BPIFC: variants seen among roughly 807,000 people sequenced by gnomAD.
BPIFC encodes the protein BPI fold containing family C, also known as BPI fold-containing family C protein.
In BPIFC, 60 loss-of-function variants were observed where a neutral mutation model predicts 57.6. The ratio of observed to expected loss-of-function variants is 1.04; its 90% CI spans 0.85 to 1.29. The LOEUF (loss-of-function observed/expected upper bound fraction) is 1.29. Ranked by LOEUF, BPIFC falls within the 50% of genes most tolerant of loss-of-function variation. The pLI, the probability that BPIFC is intolerant of heterozygous loss-of-function variation, is 0.00. For missense variants in BPIFC, 581 were observed against 600.5 expected (o/e 0.97, Z 0.34); for synonymous variants, 243 against 224.5 (o/e 1.08, Z -0.74).
At chr22:32,445,258 C>T (rs996664685) in intron 7 of BPIFC, among the ~76,000 whole-genome samples, 1 of 152,192 alleles carries the variant, frequency 6.6e-6, no homozygotes, top group South Asian at 2.1e-4. Flanking sequence ...AAAGGATTGG[C>T]CAGGCGCGGT....
intron 7 of BPIFC, among the ~76,000 whole-genome samples, chr22:32,443,731 C>T (rs895719522): frequency 1.3e-5 from 2 of 152,182 alleles, no homozygotes; most frequent in African/African-American, 4.8e-5. Flanking sequence ...ATTCTTTGAT[C>T]TCAGTTTCCA....
intron 4 of BPIFC, among the ~76,000 whole-genome samples, chr22:32,452,486 A>AT (rs1440440357): frequency 6.6e-6 from 1 of 151,866 alleles, no homozygotes; most frequent in East Asian, 1.9e-4. Context: ...AATACAAAAA[A>AT]AAATTAGCCG....
rs1934715657 is a variant in BPIFC, at chr22:32,445,908, T to TAGGA, written c.459_462dup (p.Thr155SerfsTer28). 6.2e-7 allele frequency: 1 copy of TAGGA among 1,613,824 alleles called. No homozygotes were observed. Among genetic ancestry groups the TAGGA allele is most frequent in the Non-Finnish European group, 8.5e-7 (1 of 1,179,996 alleles). ...GCGTAGCAATCTTGGAGCTTCAGGG[T>TAGGA]AGGATGACCAAAGTCATTTCGGGTT... On this transcript the variant is annotated frameshift_variant, in exon 6 of 17. Transcript: ENST00000300399. LOFTEE classifies it high-confidence loss of function.
Position 32,419,395 on chromosome 22 carries a change from A to C in BPIFC, c.1227T>G (p.Leu409=), listed in dbSNP as rs1341517651. The change falls in exon 14 of 17, where the codon CTT becomes CTG. Residue 409 remains leucine, a synonymous_variant. Coordinates refer to ENST00000300399, the MANE Select transcript of BPIFC (RefSeq NM_174932.3). ...TGCTGCGATTGGACTCTGGCAAAGCAAGGCGGAATCTAAAAGAAAACAAGA... is the reference window on the plus strand; with the variant it reads ...TGCTGCGATTGGACTCTGGCAAAGCCAGGCGGAATCTAAAAGAAAACAAGA... ...VCSLSLNRFR[L]ALPESNRSNI... is the part of the protein sequence containing the mutation. 1 of 1,613,816 alleles carries C rather than the reference A, an allele frequency of 6.2e-7. No homozygotes were observed. Among genetic ancestry groups the C allele is most frequent in the Non-Finnish European group, 8.5e-7 (1 of 1,179,830 alleles).
At chr22:32,427,208 A>G (rs1239853759) in intron 13 of BPIFC, among the ~76,000 whole-genome samples, 7 of 152,144 alleles carry the variant, frequency 4.6e-5, no homozygotes, top group South Asian at 2.1e-4. Flanking sequence ...AGTTTTTTCT[A>G]TTACTCCCAT....
chr22:32,455,195 C>T (rs1412958832), intron 3 of BPIFC, among the ~76,000 whole-genome samples: 1 of 151,816 alleles, frequency 6.6e-6, no homozygotes, highest in Non-Finnish European at 1.5e-5. Context: ...GGACTACAGG[C>T]GCATGCCACA....
At chr22:32,445,330 G>T (rs2145949548) in intron 7 of BPIFC, among the ~76,000 whole-genome samples, 1 of 152,228 alleles carries the variant, frequency 6.6e-6, no homozygotes, top group South Asian at 2.1e-4. Flanking sequence ...GAGTTCAGGA[G>T]ATCAAGACCA....
chr22:32,438,685 C>A (rs1450328423), intron 8 of BPIFC, among the ~76,000 whole-genome samples: 1 of 152,184 alleles, frequency 6.6e-6, no homozygotes, highest in Non-Finnish European at 1.5e-5. Context: ...AGCCACCACA[C>A]CCAGCCCTAT....
At chr22:32,429,605 C>T (rs1325268254) in intron 13 of BPIFC, among the ~76,000 whole-genome samples, 2 of 150,830 alleles carry the variant, frequency 1.3e-5, no homozygotes, top group African/African-American at 4.9e-5. Context: ...CAACCTCCAC[C>T]TCCCGGCTTC....
intron 13 of BPIFC, among the ~76,000 whole-genome samples, chr22:32,430,433 C>T (rs545259378): frequency 6.6e-6 from 1 of 151,050 alleles, no homozygotes; most frequent in Admixed American, 6.6e-5. Context: ...TTAGAATGTA[C>T]ACTTCTATTA....
chr22:32,421,411 G>A (rs77691176), intron 13 of BPIFC, among the ~76,000 whole-genome samples: 4,276 of 152,194 alleles, frequency 0.028, 67 homozygotes, highest in African/African-American at 0.036. Context: ...TCTCTTTTTC[G>A]TATCTTGCTT....
Position 32,445,820 on chromosome 22 carries a change from C to A in BPIFC, c.530+21G>T, listed in dbSNP as rs1422384599. On this transcript the variant is annotated intron_variant, in intron 6 of 16. Transcript: ENST00000300399. Reference sequence around the variant, plus strand: ...ATCCAGCCCCTAACTAGCCACTGCCCAACCCAGGGCTCTCATTCACCTGAG... The same window carrying A: ...ATCCAGCCCCTAACTAGCCACTGCCAAACCCAGGGCTCTCATTCACCTGAG... 6 of 1,613,346 alleles carry A rather than the reference C, an allele frequency of 3.7e-6. No individual in the cohort carries two copies. In the African/African-American group the frequency reaches 6.7e-5, roughly 18 times the overall value.
At position 32,432,475 on chromosome 22, in the gene BPIFC, G is replaced by C. The variant is rs1438698985; in HGVS notation, c.1047C>G (p.Ile349Met). 6.2e-7 allele frequency: 1 copy of C among 1,614,016 alleles called. No homozygotes were observed. The highest frequency in any genetic ancestry group is 8.5e-7 in the Non-Finnish European group (1 of 1,180,026). ...GGGTGAAATTGCCTGGTTGTAGATT[G>C]ATTATGGGAGGCTCTGTGGCCATGA... ...VRIMATEPPIINLQPGNFTLD... is the reference protein window; with the variant it reads ...VRIMATEPPIMNLQPGNFTLD... The change falls in exon 12 of 17, where the codon ATC (isoleucine) becomes ATG (methionine). Residue 349 changes from isoleucine (I) to methionine (M), a missense_variant. Ile to Met is a conservative substitution (Grantham distance 10, BLOSUM62 1). Coordinates refer to ENST00000300399, the MANE Select transcript of BPIFC (RefSeq NM_174932.3).
chr22:32,448,763 C>A (rs1370417441), intron 4 of BPIFC, among the ~76,000 whole-genome samples: 2 of 151,990 alleles, frequency 1.3e-5, no homozygotes, highest in Admixed American at 6.5e-5. Flanking sequence ...CATAGTGAAA[C>A]CCCGTGTCTA....
In BPIFC at chr22:32,450,394, T is replaced by C. The variant is rs143248282; in HGVS notation, c.245+2989A>G. ...ACACCGTATAATGTTTGCACAATAA[T>C]GAAATCACTTAATAAGGCATTTCTC... On this transcript the variant is annotated intron_variant, in intron 4 of 16. Transcript: ENST00000300399. Among the ~76,000 whole-genome samples, 5 of 152,288 alleles carry C rather than the reference T, an allele frequency of 3.3e-5. No homozygotes were observed. The East Asian group carries it at 9.6e-4, about 29-fold the overall frequency.
At chr22:32,464,199 G>A (rs1231370558) in intron 1 of BPIFC, among the ~76,000 whole-genome samples, 175 bp downstream of exon 1, 2 of 152,110 alleles carry the variant, frequency 1.3e-5, no homozygotes, top group African/African-American at 4.8e-5. Flanking sequence ...CTCCAGGTGC[G>A]CATATGTGAC....
At chr22:32,416,025 C>A in intron 15 of BPIFC, 34 bp from the exon 16 acceptor site, 1 of 1,421,240 alleles carries the variant, frequency 7.0e-7, no homozygotes, top group Non-Finnish European at 9.6e-7. Flanking sequence ...AACAATTGGG[C>A]ACAAGCACAG....
At chr22:32,451,267 C>T (rs1435261699) in intron 4 of BPIFC, among the ~76,000 whole-genome samples, 1 of 152,200 alleles carries the variant, frequency 6.6e-6, no homozygotes, top group African/African-American at 2.4e-5. Flanking sequence ...TTAATCCAGT[C>T]TATCATAGTT....
rs189789829 is a variant in BPIFC at position 32,454,738 on chromosome 22, A to T, written c.125-1235T>A. 4.6e-5 allele frequency among the ~76,000 whole-genome samples: 7 copies of T among 152,302 alleles called. No individual in the cohort carries two copies. In the East Asian group the frequency reaches 1.4e-3, roughly 29 times the overall value. On this transcript the variant is annotated intron_variant, in intron 3 of 16. Coordinates refer to ENST00000300399, the MANE Select transcript of BPIFC (RefSeq NM_174932.3). Reference sequence around the variant, plus strand: ...AAAAATATTGCAATATGGTGATGCAAAGACAGATATAAAGGATGTGAAGAT... The same window carrying T: ...AAAAATATTGCAATATGGTGATGCATAGACAGATATAAAGGATGTGAAGAT...
Sources: gnomAD v4.1 joint callset for allele counts (sites outside exome capture counted in the v4.1 genomes callset) on GRCh38, gnomAD v4.1.1 for gene constraint, MANE v1.5 for transcripts, NCBI Gene and HGNC (gene_info 2026-07-23, HGNC 2026-07-21) for gene names.